Variants in NKIRAS1 observed in about 807,000 individuals in gnomAD.
NKIRAS1 encodes NFKB inhibitor interacting Ras like 1.
In NKIRAS1, 16 loss-of-function variants were observed where a neutral mutation model predicts 19.8. That is an observed-to-expected ratio of 0.81 (90% CI 0.55 to 1.23). The LOEUF is 1.23. Among genes scored for constraint, NKIRAS1 ranks in the 50% most tolerant of loss-of-function variants. The pLI is 0.00. For synonymous variants in NKIRAS1, 88 were observed against 79.0 expected (o/e 1.11, Z -0.61); for missense variants, 184 against 220.0 (o/e 0.84, Z 1.04).
chr3:23,905,791 G>A (rs1384947212), intron 3 of NKIRAS1, among the ~76,000 whole-genome samples: 1 of 122,268 alleles, frequency 8.2e-6, no homozygotes, highest in African/African-American at 2.9e-5. Flanking sequence ...TGGAAAATGT[G>A]CTCCAAAAAA....
At chr3:23,902,280 T>C (rs982010292) in intron 3 of NKIRAS1, among the ~76,000 whole-genome samples, 1 of 152,128 alleles carries the variant, frequency 6.6e-6, no homozygotes, top group African/African-American at 2.4e-5. Flanking sequence ...TTAGATTACA[T>C]AAAATCTCCA....
rs1705429793 is a variant in NKIRAS1, at chr3:23,938,115, C to G, written c.-140+8208G>C. 2.6e-5 allele frequency among the ~76,000 whole-genome samples: 4 copies of G among 152,050 alleles called. No homozygotes were observed. The South Asian group carries it at 6.3e-4, about 24-fold the overall frequency. ...TCCACTTCTTATCTGACTTTCATTCCTTTCTCTGGAGCATCCATTCTTCCT... is the reference window on the plus strand; with the variant it reads ...TCCACTTCTTATCTGACTTTCATTCGTTTCTCTGGAGCATCCATTCTTCCT... On this transcript the variant is annotated intron_variant, in intron 1 of 4. Transcript: ENST00000421515.
chr3:23,920,447 TA>T, upstream of NKIRAS1: 1 of 985,410 alleles, frequency 1.0e-6, no homozygotes, highest in African/African-American at 1.7e-5. Context: ...TAAAAATCCT[TA>T]CCATTCCACA....
intron 1 of NKIRAS1, chr3:23,946,317 G>A (rs750336980): frequency 1.5e-5 from 15 of 983,478 alleles, no homozygotes; most frequent in African/African-American, 1.7e-5. Flanking sequence ...GCTGGTAGCT[G>A]CATACCTTGC....
At chr3:23,920,862 T>C, upstream of NKIRAS1, 3 of 833,516 alleles carry the variant, frequency 3.6e-6, no homozygotes, top group Non-Finnish European at 4.3e-6. Flanking sequence ...CCTTCTGTTA[T>C]TTTTTGTCAT....
chr3:23,919,988 TA>T (rs2125257377), upstream of NKIRAS1: 1 of 987,188 alleles, frequency 1.0e-6, no homozygotes, highest in Non-Finnish European at 1.2e-6. Context: ...AGTACCATTT[TA>T]AATTCACATA....
chr3:23,934,809 G>A (rs1025582735), intron 1 of NKIRAS1, among the ~76,000 whole-genome samples: 9 of 147,852 alleles, frequency 6.1e-5, no homozygotes, highest in African/African-American at 1.5e-4. Context: ...TCCTTTAAAT[G>A]AAAGCATCCA....
intron 1 of NKIRAS1, among the ~76,000 whole-genome samples, chr3:23,934,843 AAC>A (rs1705367128): frequency 6.9e-6 from 1 of 144,848 alleles, no homozygotes; most frequent in Admixed American, 6.8e-5. Flanking sequence ...GAAAAAAAAA[AAC>A]TTACAGAGAA....
chr3:23,893,798 CAAAAAAAA>C (rs58905555), intron 4 of NKIRAS1, among the ~76,000 whole-genome samples: 1 of 81,554 alleles, frequency 1.2e-5, no homozygotes, highest in African/African-American at 4.9e-5. Context: ...GACTCCATCT[CAAAAAAAA>C]AAAAAAAAAA....
rs1701378907 is a variant in NKIRAS1, at chr3:23,890,494, A to T, written c.*2601T>A. On this transcript the variant is annotated 3_prime_UTR_variant, in exon 5 of 5. Transcript: ENST00000425478. ...TTTTCCTTTCTCCAAAGTAATCTAC[A>T]TTCTTTTCTTCCAGCCGACCCCTTG... The T allele has an allele frequency of 6.2e-7, 1 of 1,608,254 alleles. No individual in the cohort carries two copies. The highest frequency in any genetic ancestry group is 1.7e-5 in the Admixed American group (1 of 58,814).
rs1701402530 is a variant in NKIRAS1, at chr3:23,890,859, A to T, written c.*2236T>A. On this transcript the variant is annotated 3_prime_UTR_variant, in exon 5 of 5. Coordinates refer to ENST00000425478, the MANE Select transcript of NKIRAS1 (RefSeq NM_020345.4). ...TGAAATGTAGTACAGAAAAGAATGT[A>T]CATTTAGACATTTGGGTTCAGTTGC... The T allele has an allele frequency of 3.2e-6, 1 of 311,230 alleles. No homozygotes were observed. Among genetic ancestry groups the T allele is most frequent in the Admixed American group, 4.9e-5 (1 of 20,394 alleles). The allele number at this position is 311,230 out of a possible 1,614,324, so 19.3% of individuals were successfully genotyped here. A position where few individuals can be genotyped will look rare whatever the true frequency, so the allele number is the denominator to read the frequency against.
At chr3:23,917,773 G>A, upstream of NKIRAS1, 1 of 1,401,358 alleles carries the variant, frequency 7.1e-7, no homozygotes, top group Non-Finnish European at 9.7e-7. Context: ...TTTTTGTTGG[G>A]GAACTAAGAT....
At chr3:23,905,544 T>A (rs1482032709) in intron 3 of NKIRAS1, among the ~76,000 whole-genome samples, 2 of 152,136 alleles carry the variant, frequency 1.3e-5, no homozygotes, top group African/African-American at 4.8e-5. Context: ...TCACGTATAT[T>A]TTCTCAGAAA....
At chr3:23,930,943 A>T (rs1037465056) in intron 1 of NKIRAS1, among the ~76,000 whole-genome samples, 1 of 151,804 alleles carries the variant, frequency 6.6e-6, no homozygotes, top group Admixed American at 6.6e-5. Context: ...GGCCTTCCAA[A>T]GTGCTGGGAT....
upstream of NKIRAS1, chr3:23,918,405 A>T: frequency 1.2e-6 from 2 of 1,605,124 alleles, no homozygotes; most frequent in Non-Finnish European, 1.7e-6. Flanking sequence ...ACGGCTTCCT[A>T]TAAAATCACT....
chr3:23,917,466 G>C (rs1256874750), upstream of NKIRAS1: 1 of 159,112 alleles, frequency 6.3e-6, no homozygotes, highest in African/African-American at 2.4e-5. Flanking sequence ...GGTTGGGTGG[G>C]GTAGATGCAT....
At chr3:23,921,208 C>G (rs1705061199), upstream of NKIRAS1, among the ~76,000 whole-genome samples, 1 of 152,190 alleles carries the variant, frequency 6.6e-6, no homozygotes, top group Admixed American at 6.5e-5. Context: ...ATTGTCTCTA[C>G]AAGAAAACCT....
intron 3 of NKIRAS1, among the ~76,000 whole-genome samples, chr3:23,910,064 G>T (rs1192155200): frequency 6.6e-6 from 1 of 151,142 alleles, no homozygotes; most frequent in Non-Finnish European, 1.5e-5. Flanking sequence ...TCACCATGTT[G>T]TCCAGGATGG....
chr3:23,930,970 C>A lies in NKIRAS1; in HGVS notation c.-140+15353G>T, dbSNP rs576363443. ...TGCTGGGATTATAGGCGTGAGCCACCACAGCCAGCCAAAATAAAGGTAACC... is the reference window on the plus strand; with the variant it reads ...TGCTGGGATTATAGGCGTGAGCCACAACAGCCAGCCAAAATAAAGGTAACC... On this transcript the variant is annotated intron_variant, in intron 1 of 4. Transcript: ENST00000421515. 7.2e-5 allele frequency among the ~76,000 whole-genome samples: 11 copies of A among 152,032 alleles called. 1 individual carries two copies. The South Asian group carries it at 2.1e-3, about 29-fold the overall frequency.
Sources: allele counts gnomAD v4.1 joint callset (sites outside exome capture counted in the v4.1 genomes callset), GRCh38; gene constraint gnomAD v4.1.1; transcripts MANE v1.5; gene names NCBI Gene and HGNC (gene_info 2026-07-23, HGNC 2026-07-21).